The following SUSD4 variants were observed in gnomAD, a reference collection of about 807,000 sequenced individuals.
SUSD4 encodes sushi domain containing 4.
SUSD4 carries 41 observed loss-of-function variants against 50.5 expected under a neutral mutation model. That is an observed-to-expected ratio of 0.81 (90% CI 0.63 to 1.05). The LOEUF is 1.05. SUSD4 is among the 50% of genes least tolerant of loss of function. SUSD4 has a pLI of 0.00. For synonymous variants in SUSD4, 257 were observed against 257.3 expected, an observed-to-expected ratio of 1.00 and a Z score of 0.01; for missense variants, 580 against 634.7, an observed-to-expected ratio of 0.91 and a Z score of 0.93.
chr1:223,254,713 C>T (rs956101114), intron 5 of SUSD4, among the ~76,000 whole-genome samples: 3 of 152,098 alleles, frequency 2.0e-5, no homozygotes, highest in Non-Finnish European at 4.4e-5. Flanking sequence ...AATAATGAAG[C>T]TTCTTGATGC....
intron 1 of SUSD4, 93 bp downstream of exon 1, chr1:223,363,963 TC>T (rs1669163806): frequency 6.7e-6 from 1 of 150,350 alleles, no homozygotes; most frequent in Admixed American, 6.6e-5. Context: ...AAAAAAATTC[TC>T]CCTTGGGGAG....
chr1:223,344,702 G>A (rs534409041), intron 2 of SUSD4, among the ~76,000 whole-genome samples: 45 of 152,220 alleles, frequency 3.0e-4, no homozygotes, highest in Non-Finnish European at 4.0e-4. Context: ...TCCACACTCC[G>A]CAGCCCTCAT....
chr1:223,346,864 G>A (rs61838245), intron 2 of SUSD4, among the ~76,000 whole-genome samples: 20,544 of 152,004 alleles, frequency 0.14, 2,486 homozygotes, highest in African/African-American at 0.33. Flanking sequence ...CTTGGTCCAG[G>A]CCAAAGTCAG....
At chr1:223,357,323 G>A in intron 2 of SUSD4, among the ~76,000 whole-genome samples, 1 of 152,164 alleles carries the variant, frequency 6.6e-6, no homozygotes, top group East Asian at 1.9e-4. Flanking sequence ...GGCAGGGGGT[G>A]TTCCAAAATA....
At chr1:223,270,261 C>T (rs1430464661) in intron 3 of SUSD4, among the ~76,000 whole-genome samples, 2 of 152,160 alleles carry the variant, frequency 1.3e-5, no homozygotes, top group Admixed American at 6.5e-5. Context: ...TCACCGTTAG[C>T]TTGAGAGCAG....
chr1:223,245,666 C>G (rs1279529081), intron 5 of SUSD4, among the ~76,000 whole-genome samples: 1 of 152,154 alleles, frequency 6.6e-6, no homozygotes, highest in Non-Finnish European at 1.5e-5. Flanking sequence ...GGGTGGAGAA[C>G]AGGCTGTTAG....
At chr1:223,223,661 G>A (rs201407852) in intron 7 of SUSD4, 30 bp from the exon 8 acceptor site, 3 of 1,564,562 alleles carry the variant, frequency 1.9e-6, no homozygotes, top group Non-Finnish European at 2.6e-6. Context: ...GCCAACATGT[G>A]AGAGCCATGC....
chr1:223,304,507 T>C (rs1375437021), intron 2 of SUSD4, among the ~76,000 whole-genome samples: 1 of 152,010 alleles, frequency 6.6e-6, no homozygotes, highest in Non-Finnish European at 1.5e-5. Context: ...CCCTGCATGG[T>C]AACGGTGAGT....
At chr1:223,345,512 C>T (rs1667980990) in intron 2 of SUSD4, among the ~76,000 whole-genome samples, 1 of 152,188 alleles carries the variant, frequency 6.6e-6, no homozygotes, top group South Asian at 2.1e-4. Flanking sequence ...GCTCCCTCTC[C>T]TGCATCCCTC....
In SUSD4 at chr1:223,225,289, G is replaced by A. The variant is rs149937833; in HGVS notation, c.1062-1658C>T. On this transcript the variant is annotated intron_variant, in intron 7 of 8. Coordinates refer to ENST00000366878, the MANE Select transcript of SUSD4 (RefSeq NM_017982.4). ...AGACCCTGAATCTCTGAGTGCTGGC[G>A]GCAGGGGCTCTAAACCCAAGAAGAT... is the stretch of plus-strand genomic sequence containing the variant. Among the ~76,000 whole-genome samples the A allele has an allele frequency of 3.3e-3, 503 of 152,238 alleles. 6 individuals are homozygous for A. Among genetic ancestry groups the A allele is most frequent in the African/African-American group, 0.012 (478 of 41,548 alleles).
intron 1 of SUSD4, 173 bp from the exon 2 acceptor site, chr1:223,363,633 G>C: frequency 1.4e-6 from 1 of 737,978 alleles, no homozygotes; most frequent in Non-Finnish European, 2.1e-6. Flanking sequence ...CTTCCCCCGA[G>C]CCGGGTGCAC....
chr1:223,280,835 A>T (rs2103115195), intron 3 of SUSD4, among the ~76,000 whole-genome samples: 2 of 152,358 alleles, frequency 1.3e-5, no homozygotes, highest in Middle Eastern at 6.8e-3. Context: ...ACATAGTTGG[A>T]AGTAAAGCAC....
At chr1:223,306,486 G>A (rs1016662229) in intron 2 of SUSD4, among the ~76,000 whole-genome samples, 2 of 152,130 alleles carry the variant, frequency 1.3e-5, no homozygotes, top group Non-Finnish European at 2.9e-5. Flanking sequence ...ATTTGAAGAA[G>A]GCATGGGTAA....
intron 3 of SUSD4, among the ~76,000 whole-genome samples, chr1:223,269,371 A>G (rs1662752887): frequency 6.6e-6 from 1 of 152,208 alleles, no homozygotes; most frequent in South Asian, 2.1e-4. Flanking sequence ...GGGGAGGAGA[A>G]TGCCAGTGAA....
At chr1:223,312,276 G>A (rs981327041) in intron 2 of SUSD4, among the ~76,000 whole-genome samples, 1 of 152,158 alleles carries the variant, frequency 6.6e-6, no homozygotes, top group Non-Finnish European at 1.5e-5. Context: ...ATTTTTTATG[G>A]AGCCTACAAT....
intron 2 of SUSD4, among the ~76,000 whole-genome samples, chr1:223,358,586 G>T (rs886592798): frequency 6.6e-6 from 1 of 151,890 alleles, no homozygotes; most frequent in Non-Finnish European, 1.5e-5. Context: ...TCTAATCAGT[G>T]TTTACTGGAG....
At chr1:223,279,527 A>C (rs1242976702) in intron 3 of SUSD4, among the ~76,000 whole-genome samples, 1 of 152,066 alleles carries the variant, frequency 6.6e-6, no homozygotes, top group Admixed American at 6.6e-5. Context: ...AGAAAAAGTT[A>C]GAAGTTAGAG....
chr1:223,310,531 A>G (rs956975650), intron 2 of SUSD4, among the ~76,000 whole-genome samples: 7 of 152,254 alleles, frequency 4.6e-5, no homozygotes, highest in Non-Finnish European at 8.8e-5. Flanking sequence ...AAAGAAATAC[A>G]ATACAAAAGT....
intron 2 of SUSD4, among the ~76,000 whole-genome samples, chr1:223,317,782 C>T (rs12117996): frequency 0.14 from 21,422 of 149,114 alleles, 1,640 homozygotes; most frequent in South Asian, 0.22. Context: ...GCTCCAGATT[C>T]GCTGCCCTGA....
Sources: gnomAD v4.1 joint callset for allele counts (sites outside exome capture counted in the v4.1 genomes callset) on GRCh38, gnomAD v4.1.1 for gene constraint, MANE v1.5 for transcripts, NCBI Gene and HGNC (gene_info 2026-07-23, HGNC 2026-07-21) for gene names.